GRID1: variants seen among roughly 807,000 people sequenced by gnomAD.
The protein encoded by GRID1 is glutamate ionotropic receptor delta type subunit 1, also known as glutamate receptor ionotropic, delta-1.
A neutral mutation model predicts 98.0 loss-of-function variants in GRID1; 28 were observed. That is an observed-to-expected ratio of 0.29 (90% CI 0.21 to 0.39). GRID1 has a LOEUF of 0.39. Ranked by LOEUF, GRID1 falls within the 10% of genes least tolerant of loss-of-function variation. GRID1 has a pLI of 1.00. For synonymous variants in GRID1, 553 were observed against 538.5 expected, an observed-to-expected ratio of 1.03 and a Z score of -0.37; for missense variants, 1,111 against 1,340.5, an observed-to-expected ratio of 0.83 and a Z score of 2.67.
chr10:85,732,180 G>T (rs1841833589), intron 8 of GRID1, among the ~76,000 whole-genome samples: 1 of 152,166 alleles, frequency 6.6e-6, no homozygotes, highest in South Asian at 2.1e-4. Context: ...GCTTAGCCCA[G>T]GTGCTGGAGC....
chr10:86,181,019 G>C (rs1248765015), intron 3 of GRID1, among the ~76,000 whole-genome samples: 1 of 152,186 alleles, frequency 6.6e-6, no homozygotes, highest in Non-Finnish European at 1.5e-5. Context: ...GCCAAGCCCA[G>C]GCTGAACCTC....
At chr10:85,873,339 T>C (rs1843297540) in intron 5 of GRID1, among the ~76,000 whole-genome samples, 1 of 152,208 alleles carries the variant, frequency 6.6e-6, no homozygotes, top group Admixed American at 6.5e-5. Context: ...AGAAGCAAGA[T>C]AATGTATATA....
At chr10:85,656,791 C>T (rs1840900204) in intron 12 of GRID1, among the ~76,000 whole-genome samples, 1 of 152,184 alleles carries the variant, frequency 6.6e-6, no homozygotes, top group African/African-American at 2.4e-5. Context: ...CTTCACTCTG[C>T]ATCTTATCTG....
At chr10:86,360,743 A>G (rs570616371) in intron 2 of GRID1, among the ~76,000 whole-genome samples, 1 of 152,316 alleles carries the variant, frequency 6.6e-6, no homozygotes, top group Non-Finnish European at 1.5e-5. Flanking sequence ...TCACAATCCC[A>G]TGAGGCAAAT....
At chr10:85,687,750 G>A (rs1224753284) in intron 12 of GRID1, among the ~76,000 whole-genome samples, 1 of 152,148 alleles carries the variant, frequency 6.6e-6, no homozygotes, top group African/African-American at 2.4e-5. Context: ...GAACACAAAC[G>A]AAGTGGGAAA....
chr10:86,049,840 A>G (rs17106227), intron 4 of GRID1, among the ~76,000 whole-genome samples: 12,935 of 152,236 alleles, frequency 0.085, 673 homozygotes, highest in East Asian at 0.15. Flanking sequence ...GTCATCGTTT[A>G]AGCCCAGCAA....
At chr10:85,693,528 A>G (rs1050764144) in intron 12 of GRID1, among the ~76,000 whole-genome samples, 23 of 152,084 alleles carry the variant, frequency 1.5e-4, no homozygotes, top group African/African-American at 5.1e-4. Context: ...AAAGATGTTA[A>G]TAATATACTA....
At chr10:86,252,710 G>A (rs966923112) in intron 2 of GRID1, among the ~76,000 whole-genome samples, 8 of 152,340 alleles carry the variant, frequency 5.3e-5, no homozygotes, top group South Asian at 4.1e-4. Context: ...TGGTCGAGTG[G>A]TGGAAGGATG....
chr10:86,205,435 A>T (rs928635457), intron 3 of GRID1, among the ~76,000 whole-genome samples: 19 of 152,168 alleles, frequency 1.2e-4, no homozygotes, highest in African/African-American at 4.3e-4. Flanking sequence ...ATAGGAATCT[A>T]CACATGTGAT....
At chr10:86,069,075 A>G (rs1191928417) in intron 4 of GRID1, among the ~76,000 whole-genome samples, 1 of 151,710 alleles carries the variant, frequency 6.6e-6, no homozygotes, top group African/African-American at 2.4e-5. Flanking sequence ...ACTGCTGGGG[A>G]AGGTTAGGTT....
At chr10:85,989,770 A>C (rs188145595) in intron 4 of GRID1, among the ~76,000 whole-genome samples, 1 of 152,352 alleles carries the variant, frequency 6.6e-6, no homozygotes, top group East Asian at 1.9e-4. Context: ...GGGAAAAGAA[A>C]GCATGATTTT....
intron 4 of GRID1, among the ~76,000 whole-genome samples, chr10:85,938,974 T>C (rs1841962752): frequency 6.6e-6 from 1 of 152,254 alleles, no homozygotes; most frequent in African/African-American, 2.4e-5. Flanking sequence ...TGTTCAAACC[T>C]GCCAAAGTTT....
At chr10:86,175,057 G>T (rs1045814541) in intron 3 of GRID1, among the ~76,000 whole-genome samples, 2 of 152,168 alleles carry the variant, frequency 1.3e-5, no homozygotes, top group Admixed American at 6.5e-5. Context: ...CTGTAAACTA[G>T]CTCAGTCTTC....
chr10:86,364,154 T>G, intron 1 of GRID1, 58 bp from the exon 2 acceptor site: 1 of 1,506,544 alleles, frequency 6.6e-7, no homozygotes, highest in South Asian at 1.2e-5. Context: ...CCCGCTTCCC[T>G]TGGCCCGAGG....
intron 2 of GRID1, among the ~76,000 whole-genome samples, chr10:86,253,633 A>G (rs1487155856): frequency 6.6e-6 from 1 of 152,132 alleles, no homozygotes; most frequent in Non-Finnish European, 1.5e-5. Context: ...ACACTGCAGC[A>G]TGGGAGGACA....
intron 2 of GRID1, among the ~76,000 whole-genome samples, chr10:86,295,973 C>T (rs1397665926): frequency 3.9e-5 from 6 of 152,232 alleles, no homozygotes. Context: ...CTTCTTGCTC[C>T]TCCTGTTGCC....
At chr10:85,901,147 G>T (rs1008092487) in intron 5 of GRID1, among the ~76,000 whole-genome samples, 5 of 152,076 alleles carry the variant, frequency 3.3e-5, no homozygotes, top group African/African-American at 1.2e-4. Flanking sequence ...AAGTACAAAG[G>T]CAAACTTTCC....
chr10:85,621,483 GC>G (rs1301680924), intron 13 of GRID1, among the ~76,000 whole-genome samples: 2 of 152,116 alleles, frequency 1.3e-5, no homozygotes, highest in Non-Finnish European at 2.9e-5. Context: ...AGTGCTCATG[GC>G]CCAAGACAGC....
At chr10:86,005,198 C>G (rs73342120) in intron 4 of GRID1, among the ~76,000 whole-genome samples, 10,960 of 152,170 alleles carry the variant, frequency 0.072, 462 homozygotes, top group East Asian at 0.18. Context: ...GAACAGTTCT[C>G]CTGCAGAAGA....
Sources: gnomAD v4.1 joint callset for allele counts (sites outside exome capture counted in the v4.1 genomes callset) on GRCh38, gnomAD v4.1.1 for gene constraint, MANE v1.5 for transcripts, NCBI Gene and HGNC (gene_info 2026-07-23, HGNC 2026-07-21) for gene names.